The following WDHD1 variants were observed in gnomAD, a reference collection of about 807,000 sequenced individuals.
WDHD1 encodes the protein WD repeat and HMG-box DNA binding protein 1, also known as WD repeat and HMG-box DNA-binding protein 1.
Under a neutral mutation model 135.4 loss-of-function variants are expected in WDHD1, and 111 were observed. That is an observed-to-expected ratio of 0.82 (90% confidence interval 0.70 to 0.96). The LOEUF (loss-of-function observed/expected upper bound fraction) is 0.96. Ranked by LOEUF, WDHD1 falls within the 40% of genes least tolerant of loss-of-function variation. The probability of loss-of-function intolerance (pLI) is 0.00; values close to 1 mark genes in which losing one functional copy is unlikely to be tolerated. For missense variants in WDHD1, 1,351 were observed against 1,336.3 expected, an observed-to-expected ratio of 1.01 and a Z score of -0.17; for synonymous variants, 434 against 439.0, an observed-to-expected ratio of 0.99 and a Z score of 0.14.
chr14:55,007,990 T>TC (rs1255640386), intron 6 of WDHD1, among the ~76,000 whole-genome samples: 1 of 152,184 alleles, frequency 6.6e-6, no homozygotes, highest in African/African-American at 2.4e-5. Flanking sequence ...TAATTTTTTA[T>TC]CCCCAACCAT....
intron 16 of WDHD1, among the ~76,000 whole-genome samples, chr14:54,973,622 A>C (rs11846514): frequency 0.34 from 51,159 of 151,998 alleles, 8,922 homozygotes; most frequent in African/African-American, 0.43. Flanking sequence ...TATTTACAAG[A>C]ATCACTACTT....
chr14:54,965,305 A>G (rs1426993210), intron 18 of WDHD1, among the ~76,000 whole-genome samples: 1 of 152,216 alleles, frequency 6.6e-6, no homozygotes, highest in African/African-American at 2.4e-5. Context: ...GAGTGGGGAC[A>G]CAAGCACAGG....
chr14:54,987,906 C>T (rs1384709854), intron 13 of WDHD1, among the ~76,000 whole-genome samples: 2 of 152,248 alleles, frequency 1.3e-5, no homozygotes, highest in South Asian at 2.1e-4. Context: ...GGATTACAGG[C>T]GTGAGCCACC....
chr14:54,994,185 A>T (rs187095161), intron 11 of WDHD1, among the ~76,000 whole-genome samples: 1 of 152,298 alleles, frequency 6.6e-6, no homozygotes, highest in Non-Finnish European at 1.5e-5. Flanking sequence ...TGAAGATTTT[A>T]AATTACAATC....
chr14:54,947,151 C>A (rs528250502), intron 24 of WDHD1, among the ~76,000 whole-genome samples: 32 of 152,166 alleles, frequency 2.1e-4, no homozygotes, highest in African/African-American at 7.5e-4. Context: ...ACCAGCCTGA[C>A]CAACATGGAG....
Position 54,940,971 on chromosome 14 carries a change from G to A in WDHD1, c.*519C>T, listed in dbSNP as rs572245458. 12 of 152,168 alleles carry A rather than the reference G, an allele frequency of 7.9e-5. No homozygotes were observed. Among genetic ancestry groups the A allele is most frequent in the African/African-American group, 2.4e-4 (10 of 41,508 alleles). 9.4% of individuals were successfully genotyped at this position (152,168 alleles called of 1,614,324 possible). On this transcript the variant is annotated 3_prime_UTR_variant, in exon 26 of 26. Transcript: ENST00000360586. The stretch of plus-strand genomic sequence containing the variant: ...ACTGAAAGCCACATAGGAAATTTCC[G>A]AAACACAAAAGAAAAAGTCTCACCT...
chr14:54,946,946 G>A (rs1172422323), intron 24 of WDHD1, among the ~76,000 whole-genome samples: 2 of 152,306 alleles, frequency 1.3e-5, no homozygotes, highest in East Asian at 3.9e-4. Context: ...AGGAGGCTGA[G>A]GCATGAGAAT....
At chr14:54,962,036 C>G (rs975007830) in intron 21 of WDHD1, among the ~76,000 whole-genome samples, 1 of 152,162 alleles carries the variant, frequency 6.6e-6, no homozygotes, top group South Asian at 2.1e-4. Flanking sequence ...GGGGTTTCAC[C>G]GTGTTGGCCA....
intron 12 of WDHD1, among the ~76,000 whole-genome samples, chr14:54,990,064 T>C (rs1246828850): frequency 6.6e-6 from 1 of 152,002 alleles, no homozygotes; most frequent in East Asian, 2.0e-4. Flanking sequence ...TTAGTGCCAA[T>C]ATTTTATTTA....
At chr14:54,943,463 C>T (rs775204680) in intron 25 of WDHD1, among the ~76,000 whole-genome samples, 5 of 152,252 alleles carry the variant, frequency 3.3e-5, no homozygotes, top group South Asian at 2.1e-4. Flanking sequence ...GACACAATCA[C>T]GGCTCACTGC....
chr14:54,999,282 A>C (rs2041941010), intron 10 of WDHD1, among the ~76,000 whole-genome samples: 1 of 152,200 alleles, frequency 6.6e-6, no homozygotes, highest in Non-Finnish European at 1.5e-5. Context: ...CCCTAGACCA[A>C]GGACAGTCTA....
intron 16 of WDHD1, among the ~76,000 whole-genome samples, chr14:54,979,436 G>A (rs1417968326): frequency 6.6e-6 from 1 of 152,144 alleles, no homozygotes; most frequent in Admixed American, 6.5e-5. Flanking sequence ...GATTACAGGC[G>A]TGAGCCACCT....
chr14:54,950,777 C>T (rs530616726), intron 24 of WDHD1, among the ~76,000 whole-genome samples: 2 of 152,204 alleles, frequency 1.3e-5, no homozygotes, highest in African/African-American at 4.8e-5. Context: ...TGTAAAAGAA[C>T]AGAAATTATA....
At chr14:55,021,048 TAG>T (rs1347517232) in intron 2 of WDHD1, among the ~76,000 whole-genome samples, 12 of 152,058 alleles carry the variant, frequency 7.9e-5, no homozygotes, top group Non-Finnish European at 1.3e-4. Flanking sequence ...GGGGAGGAAG[TAG>T]AGGAGGAGGC....
chr14:54,944,959 C>A (rs1283021573), intron 24 of WDHD1, among the ~76,000 whole-genome samples: 1 of 152,118 alleles, frequency 6.6e-6, no homozygotes, highest in South Asian at 2.1e-4. Flanking sequence ...ACTGGAAAAT[C>A]CTTTGTAAGG....
At position 55,027,066 on chromosome 14, in the gene WDHD1, G is replaced by C; in HGVS notation, c.-55C>G. On this transcript the variant is annotated 5_prime_UTR_variant, in exon 1 of 26. Transcript: ENST00000360586. ...CCTCCGCCACTGAGGATCCACAAGA[G>C]CTGCTTCCCGCGCTTCGGCTCGCTC... The C allele has an allele frequency of 2.4e-6, 1 of 422,626 alleles. No homozygotes were observed. The highest frequency in any genetic ancestry group is 4.4e-6 in the Non-Finnish European group (1 of 227,538). The allele number at this position is 422,626 out of a possible 1,614,324, so 26.2% of individuals were successfully genotyped here. A position where few individuals can be genotyped will look rare whatever the true frequency, so the allele number is the denominator to read the frequency against.
At chr14:54,993,747 A>C (rs952777337) in intron 11 of WDHD1, among the ~76,000 whole-genome samples, 1 of 121,542 alleles carries the variant, frequency 8.2e-6, no homozygotes, top group Admixed American at 7.6e-5. Context: ...TCTTCTCACT[A>C]ATTTTTTTTG....
intron 2 of WDHD1, 101 bp downstream of exon 2, chr14:55,026,610 C>T (rs2042446912): frequency 1.7e-6 from 2 of 1,147,256 alleles, no homozygotes; most frequent in South Asian, 2.5e-5. Context: ...AACATTATTC[C>T]TCTATCCGCA....
At chr14:54,949,431 G>A (rs576166733) in intron 24 of WDHD1, among the ~76,000 whole-genome samples, 43 of 152,262 alleles carry the variant, frequency 2.8e-4, no homozygotes, top group African/African-American at 1.0e-3. Context: ...ATGAAATGAA[G>A]CGAGAAGAAA....
Sources: allele counts gnomAD v4.1 joint callset (sites outside exome capture counted in the v4.1 genomes callset), GRCh38; gene constraint gnomAD v4.1.1; transcripts MANE v1.5; gene names NCBI Gene and HGNC (gene_info 2026-07-23, HGNC 2026-07-21).